PIP4K2A: variants seen among roughly 807,000 people sequenced by gnomAD.
The protein encoded by PIP4K2A is phosphatidylinositol 5-phosphate 4-kinase type-2 alpha.
PIP4K2A carries 14 observed loss-of-function variants against 42.9 expected under a neutral mutation model. That is an observed-to-expected ratio of 0.33 (90% CI 0.22 to 0.51). The LOEUF (loss-of-function observed/expected upper bound fraction) is 0.51. Among genes scored for constraint, PIP4K2A ranks in the 20% least tolerant of loss-of-function variants. The pLI is 0.97. For synonymous variants in PIP4K2A, 192 were observed against 192.2 expected (o/e 1.00, Z 0.01); for missense variants, 434 against 519.8 (o/e 0.83, Z 1.61).
chr10:22,592,386 C>G (rs1053851737), intron 3 of PIP4K2A, among the ~76,000 whole-genome samples: 6 of 152,162 alleles, frequency 3.9e-5, no homozygotes, highest in Non-Finnish European at 7.4e-5. Context: ...GTAAACTACT[C>G]AACTAGTAAA....
At chr10:22,713,733 T>C (rs1833957259) in intron 1 of PIP4K2A, among the ~76,000 whole-genome samples, 1 of 151,828 alleles carries the variant, frequency 6.6e-6, no homozygotes, top group Non-Finnish European at 1.5e-5. Flanking sequence ...CAGGTACACC[T>C]GCCCGCAAGC....
chr10:22,558,471 T>TCTG (rs1836606837), intron 6 of PIP4K2A, among the ~76,000 whole-genome samples: 1 of 152,198 alleles, frequency 6.6e-6, no homozygotes, highest in South Asian at 2.1e-4. Context: ...TAAAATCAGT[T>TCTG]CTGCTTCTTG....
intron 1 of PIP4K2A, among the ~76,000 whole-genome samples, chr10:22,665,605 C>CTT (rs34262297): frequency 7.7e-4 from 89 of 114,998 alleles, no homozygotes; most frequent in Non-Finnish European, 1.2e-3. Context: ...CCACACCTGG[C>CTT]TTTTTTTTTT....
intron 1 of PIP4K2A, among the ~76,000 whole-genome samples, chr10:22,690,569 AG>A (rs1564468823): frequency 6.6e-6 from 1 of 152,212 alleles, no homozygotes; most frequent in African/African-American, 2.4e-5. Context: ...TCCTCTTTCA[AG>A]AGGAGATATG....
At chr10:22,580,480 T>G (rs1837245178) in intron 4 of PIP4K2A, among the ~76,000 whole-genome samples, 1 of 151,876 alleles carries the variant, frequency 6.6e-6, no homozygotes, top group East Asian at 1.9e-4. Flanking sequence ...CGAAACTCCA[T>G]CTCAACAAAA....
At chr10:22,539,566 T>G (rs1027390494) in intron 9 of PIP4K2A, 1 of 171,312 alleles carries the variant, frequency 5.8e-6, no homozygotes, top group African/African-American at 2.4e-5. Flanking sequence ...TTCATTATCT[T>G]CTTTTGCACT....
Position 22,535,112 on chromosome 10 carries a change from G to A in PIP4K2A, c.*2089C>T, listed in dbSNP as rs1835886930. 1 of 152,190 alleles carries A rather than the reference G, an allele frequency of 6.6e-6. No homozygotes were observed. Among genetic ancestry groups the A allele is most frequent in the Non-Finnish European group, 1.5e-5 (1 of 68,030 alleles). The allele number at this position is 152,190 out of a possible 1,614,324, so 9.4% of individuals were successfully genotyped here. On this transcript the variant is annotated 3_prime_UTR_variant, in exon 10 of 10. Coordinates refer to ENST00000376573, the MANE Select transcript of PIP4K2A (RefSeq NM_005028.5). ...AATAAATGACAGACTGTTTGTTATA[G>A]ACAAAAATAAAAGCATTCTGTAAAC...
rs774726450 is a variant in PIP4K2A, at chr10:22,537,200, G to C, written c.*1C>G. 1 of 1,599,772 alleles carries C rather than the reference G, an allele frequency of 6.3e-7. No homozygotes were observed. The highest frequency in any genetic ancestry group is 8.5e-7 in the Non-Finnish European group (1 of 1,171,242). ...ATGTCTGTCCGAGGCTGCGCAGGAG[G>C]TTACGTCAAGATGTGGCCAATAAAG... On this transcript the variant is annotated 3_prime_UTR_variant, in exon 10 of 10. Coordinates refer to ENST00000376573, the MANE Select transcript of PIP4K2A (RefSeq NM_005028.5).
intron 1 of PIP4K2A, among the ~76,000 whole-genome samples, chr10:22,713,040 G>C (rs1482982848): frequency 6.6e-6 from 1 of 152,172 alleles, no homozygotes; most frequent in East Asian, 1.9e-4. Context: ...AGCAGGGAAA[G>C]CGAACTTACA....
chr10:22,642,378 A>G (rs111891966), intron 1 of PIP4K2A, among the ~76,000 whole-genome samples: 77 of 152,308 alleles, frequency 5.1e-4, no homozygotes, highest in African/African-American at 1.7e-3. Context: ...AAATCATACC[A>G]ACAAAGAATA....
At chr10:22,681,484 G>T (rs1839659068) in intron 1 of PIP4K2A, among the ~76,000 whole-genome samples, 1 of 152,096 alleles carries the variant, frequency 6.6e-6, no homozygotes, top group South Asian at 2.1e-4. Context: ...GACCAGCCTT[G>T]GCAACACAGT....
At chr10:22,657,243 G>A (rs768083534) in intron 1 of PIP4K2A, among the ~76,000 whole-genome samples, 14 of 152,190 alleles carry the variant, frequency 9.2e-5, no homozygotes, top group Non-Finnish European at 1.8e-4. Flanking sequence ...TGTTGGCAAC[G>A]CAGTACTTTT....
chr10:22,701,914 GTGAAGTC>G, intron 1 of PIP4K2A, among the ~76,000 whole-genome samples: 1 of 152,280 alleles, frequency 6.6e-6, no homozygotes, highest in Non-Finnish European at 1.5e-5. Flanking sequence ...CACCCAAGGT[GTGAAGTC>G]TAATAGGAAA....
chr10:22,562,719 T>G (rs1174923466), intron 6 of PIP4K2A, among the ~76,000 whole-genome samples: 3 of 152,194 alleles, frequency 2.0e-5, no homozygotes, highest in African/African-American at 7.2e-5. Flanking sequence ...CTAGACGTGC[T>G]TCTCTTCTCG....
rs140519882 is a variant in PIP4K2A, at chr10:22,698,982, T to C, written c.144+15201A>G. ...AATAAAAATATTCACTATTGGCTAT[T>C]TCCTGGCTCAAATATTCATTGGCAT... On this transcript the variant is annotated intron_variant, in intron 1 of 9. Coordinates refer to ENST00000376573, the MANE Select transcript of PIP4K2A (RefSeq NM_005028.5). 2.6e-5 allele frequency among the ~76,000 whole-genome samples: 4 copies of C among 152,358 alleles called. No homozygotes were observed. In the East Asian group the frequency reaches 7.7e-4, roughly 29 times the overall value.
intron 4 of PIP4K2A, among the ~76,000 whole-genome samples, chr10:22,584,512 A>C (rs968611054): frequency 6.6e-6 from 1 of 152,168 alleles, no homozygotes; most frequent in Non-Finnish European, 1.5e-5. Context: ...GGTGAGGCTG[A>C]AAGAGAAAAG....
In PIP4K2A at chr10:22,705,656, T is replaced by C. The variant is rs528461699; in HGVS notation, c.144+8527A>G. ...AAATATGCTGACGATCAACATGTCT[T>C]GTTAAAATGTACATTCTGCTCCAGC... is the stretch of plus-strand genomic sequence containing the variant. On this transcript the variant is annotated intron_variant, in intron 1 of 9. Coordinates refer to ENST00000376573, the MANE Select transcript of PIP4K2A (RefSeq NM_005028.5). 2.3e-4 allele frequency among the ~76,000 whole-genome samples: 35 copies of C among 152,140 alleles called. No individual in the cohort carries two copies. The South Asian group carries it at 5.2e-3, about 23-fold the overall frequency.
At chr10:22,713,079 T>C (rs1310719097) in intron 1 of PIP4K2A, among the ~76,000 whole-genome samples, 2 of 152,164 alleles carry the variant, frequency 1.3e-5, no homozygotes, top group African/African-American at 4.8e-5. Context: ...GTGACTGCAG[T>C]GGCTAAGGTC....
intron 1 of PIP4K2A, among the ~76,000 whole-genome samples, chr10:22,682,857 G>A (rs1311598753): frequency 6.6e-6 from 1 of 152,148 alleles, no homozygotes; most frequent in Non-Finnish European, 1.5e-5. Flanking sequence ...AGGATCTGAA[G>A]AGACACAGAT....
Sources: allele counts gnomAD v4.1 joint callset (sites outside exome capture counted in the v4.1 genomes callset), GRCh38; gene constraint gnomAD v4.1.1; transcripts MANE v1.5; gene names NCBI Gene and HGNC (gene_info 2026-07-23, HGNC 2026-07-21).